Variants in PLEKHG3 observed in about 807,000 individuals in gnomAD.
PLEKHG3 encodes pleckstrin homology domain-containing family G member 3.
Under a neutral mutation model 94.9 loss-of-function variants are expected in PLEKHG3, and 62 were observed. The ratio of observed to expected loss-of-function variants is 0.65; its 90% CI spans 0.53 to 0.81. The LOEUF (loss-of-function observed/expected upper bound fraction) is 0.81. Ranked by LOEUF, PLEKHG3 falls within the 30% of genes least tolerant of loss-of-function variation. The pLI, the probability that PLEKHG3 is intolerant of heterozygous loss-of-function variation, is 0.00. For missense variants in PLEKHG3, 1,461 were observed against 1,619.3 expected (o/e 0.90, Z 1.68); for synonymous variants, 614 against 654.0 (o/e 0.94, Z 0.93).
rs558458962 is a variant in PLEKHG3 at position 64,728,056 on chromosome 14, G to T, written c.351+74G>T. On this transcript the variant is annotated intron_variant, in intron 2 of 16. Transcript: ENST00000247226. This position sits in a 1 kb window ranked among gnomAD's most constrained non-coding sequence, Gnocchi z 5.9. ...CACCCTGGGAGGGAAGCTCTCAAAA[G>T]ACCTGCTTCCCATAAAGTAGTTGGA... The T allele has an allele frequency of 1.8e-5, 17 of 946,122 alleles. No individual in the cohort carries two copies. The East Asian group carries it at 4.6e-4, about 25-fold the overall frequency. 58.6% of individuals were successfully genotyped at this position (946,122 alleles called of 1,614,324 possible).
rs369148076 is a variant in PLEKHG3, at chr14:64,749,282, C to T, written c.*5579C>T. On this transcript the variant is annotated 3_prime_UTR_variant, in exon 17 of 17. Transcript: ENST00000247226. The surrounding 1 kb of genome is among the most constrained non-coding windows in gnomAD (Gnocchi z 4.7). The stretch of plus-strand genomic sequence containing the variant: ...GCCCGGTCTCTGCGCGTCCCGACTC[C>T]GCCGCGCCCGCCAGCCCCACCTGCT... 5.3e-5 allele frequency: 82 copies of T among 1,557,794 alleles called. No individual in the cohort carries two copies. The highest frequency in any genetic ancestry group is 1.4e-4 in the African/African-American group (10 of 73,618).
intron 15 of PLEKHG3, 59 bp from the exon 16 acceptor site, chr14:64,740,977 T>C: frequency 7.1e-7 from 1 of 1,399,972 alleles, no homozygotes; most frequent in Admixed American, 2.2e-5. Context: ...GTCCCCTTGT[T>C]CCCCGGATCC....
At position 64,746,319 on chromosome 14, in the gene PLEKHG3, G is replaced by A. The variant is rs1438632878; in HGVS notation, c.*2616G>A. The A allele has an allele frequency of 6.6e-6, 1 of 152,482 alleles. No individual in the cohort carries two copies. Among genetic ancestry groups the A allele is most frequent in the Non-Finnish European group, 1.5e-5 (1 of 68,064 alleles). The allele number at this position is 152,482 out of a possible 1,614,324, so 9.4% of individuals were successfully genotyped here. The stretch of plus-strand genomic sequence containing the variant: ...TGATTTATTAGAAAAACTAGTAAAT[G>A]GGTTTCCTCTGGTTGGTGGAAGCAC... On this transcript the variant is annotated 3_prime_UTR_variant, in exon 17 of 17. Coordinates refer to ENST00000247226, the MANE Select transcript of PLEKHG3 (RefSeq NM_001308147.2). The surrounding 1 kb of genome is among the most constrained non-coding windows in gnomAD (Gnocchi z 4.9).
rs1555358321 is a variant in PLEKHG3 at position 64,704,442 on chromosome 14, T to TCCCTCGCTCCCTCGCTCCCTCCTG, written c.-297_-296insGCTCCCTCGCTCCCTCCTGCCCTC. The TCCCTCGCTCCCTCGCTCCCTCCTG allele has an allele frequency of 6.5e-6, 1 of 154,372 alleles. No individual in the cohort carries two copies. The highest frequency in any genetic ancestry group is 6.7e-5 in the Admixed American group (1 of 14,884). 9.6% of individuals were successfully genotyped at this position (154,372 alleles called of 1,614,324 possible). On this transcript the variant is annotated 5_prime_UTR_variant, in exon 1 of 17. Coordinates refer to ENST00000247226, the MANE Select transcript of PLEKHG3 (RefSeq NM_001308147.2). This position sits in a 1 kb window ranked among gnomAD's most constrained non-coding sequence, Gnocchi z 5.6. ...CTCCCTCGCTCCCTCGCTCCCTCGC[T>TCCCTCGCTCCCTCGCTCCCTCCTG]CCCTCCTGCCCTCCCGCTGCAGCTC... is the stretch of plus-strand genomic sequence containing the variant.
In PLEKHG3 at chr14:64,716,806, T is replaced by G. The variant is rs1199292975; in HGVS notation, c.-39-10787T>G. ...GCCTCACTTTTCAAGGAGTAGACGC[T>G]GCTTCCTCGGCCGTGTCTCTACACG... On this transcript the variant is annotated intron_variant, in intron 1 of 16. Coordinates refer to ENST00000247226, the MANE Select transcript of PLEKHG3 (RefSeq NM_001308147.2). The surrounding 1 kb of genome is among the most constrained non-coding windows in gnomAD (Gnocchi z 5.0). 6.6e-6 allele frequency among the ~76,000 whole-genome samples: 1 copy of G among 152,114 alleles called. No homozygotes were observed. The highest frequency in any genetic ancestry group is 2.4e-5 in the African/African-American group (1 of 41,410).
chr14:64,734,217 T>G (rs1770368428), intron 12 of PLEKHG3, among the ~76,000 whole-genome samples: 1 of 152,194 alleles, frequency 6.6e-6, no homozygotes. Flanking sequence ...GTTTTATGGT[T>G]TTTATAGTTA....
Position 64,741,127 on chromosome 14 carries a change from C to T in PLEKHG3, c.1610C>T (p.Ser537Phe), listed in dbSNP as rs1398792178. 6.2e-7 allele frequency: 1 copy of T among 1,614,114 alleles called. No individual in the cohort carries two copies. The highest frequency in any genetic ancestry group is 2.2e-5 in the East Asian group (1 of 44,884). The change falls in exon 16 of 17, where the codon TCT (serine) becomes TTT (phenylalanine). Residue 537 changes from serine to phenylalanine, a missense_variant. Physicochemically the swap from Ser to Phe is radical, Grantham distance 155. Coordinates refer to ENST00000247226, the MANE Select transcript of PLEKHG3 (RefSeq NM_001308147.2). ...GAGGAGACGCCTTCAGACACAGAAT[C>T]TCCAGAAGTCCTGGAGACACAGCTT... is the stretch of plus-strand genomic sequence containing the variant. ...SAEETPSDTE[S>F]PEVLETQLDA...
intron 1 of PLEKHG3, among the ~76,000 whole-genome samples, chr14:64,714,653 A>G (rs1033406340): frequency 6.6e-6 from 1 of 152,310 alleles, no homozygotes; most frequent in Admixed American, 6.5e-5. Flanking sequence ...TTCTTTTCAC[A>G]CAGGAAGTCA....
rs1001260036 is a variant in PLEKHG3, at chr14:64,744,843, G to A, written c.*1140G>A. On this transcript the variant is annotated 3_prime_UTR_variant, in exon 17 of 17. Transcript: ENST00000247226. ...GGCTGGAGTGCAATGGCGTGATCTT[G>A]GCTTACTGCAACCTCCGCCTCCCAG... is the stretch of plus-strand genomic sequence containing the variant. 1 of 145,098 alleles carries A rather than the reference G, an allele frequency of 6.9e-6. No individual in the cohort carries two copies. 9.0% of individuals were successfully genotyped at this position (145,098 alleles called of 1,614,324 possible).
chr14:64,711,457 A>G (rs2081065640), intron 1 of PLEKHG3, among the ~76,000 whole-genome samples: 1 of 149,126 alleles, frequency 6.7e-6, no homozygotes, highest in African/African-American at 2.5e-5. Context: ...TCTGTTGCCC[A>G]GGCTGGAGTG....
At chr14:64,711,851 A>G (rs2081070592) in intron 1 of PLEKHG3, among the ~76,000 whole-genome samples, 1 of 152,240 alleles carries the variant, frequency 6.6e-6, no homozygotes, top group Admixed American at 6.5e-5. Flanking sequence ...TTGATGATGA[A>G]GTACAATTTA....
chr14:64,724,020 C>T (rs910919395), intron 1 of PLEKHG3: 1 of 152,174 alleles, frequency 6.6e-6, no homozygotes, highest in African/African-American at 2.4e-5. Context: ...CAGACAGGGT[C>T]TTCCGAGATG....
Position 64,742,425 on chromosome 14 carries a change from G to A in PLEKHG3, c.2908G>A (p.Glu970Lys). 1 of 1,611,198 alleles carries A rather than the reference G, an allele frequency of 6.2e-7. No homozygotes were observed. Among genetic ancestry groups the A allele is most frequent in the Non-Finnish European group, 8.5e-7 (1 of 1,179,020 alleles). ...GAGCCCCACTGTGCCCTGTCTACAG[G>A]AAGAGGCTGGAGAGCCATTAGGTGG... The part of the protein sequence containing the change: ...GKSPTVPCLQ[E>K]EAGEPLGGKG... Residue 970 changes from glutamate (E) to lysine (K), a missense_variant, in exon 16 of 17, where the codon GAA becomes AAA. Glu to Lys is a moderately conservative substitution (Grantham distance 56, BLOSUM62 1). Transcript: ENST00000247226.
At chr14:64,740,975 G>A (rs940619975) in intron 15 of PLEKHG3, 61 bp from the exon 16 acceptor site, 78 of 1,391,520 alleles carry the variant, frequency 5.6e-5, no homozygotes, top group Middle Eastern at 1.9e-4. Flanking sequence ...CTGTCCCCTT[G>A]TTCCCCGGAT....
intron 1 of PLEKHG3, among the ~76,000 whole-genome samples, chr14:64,708,623 C>A (rs1024080549): frequency 1.3e-5 from 2 of 152,154 alleles, no homozygotes; most frequent in African/African-American, 4.8e-5. Flanking sequence ...CCGCTTCTAC[C>A]CAGCTGATCT....
Position 64,730,429 on chromosome 14 carries a change from G to A in PLEKHG3, c.519+117G>A. 2 of 788,182 alleles carry A rather than the reference G, an allele frequency of 2.5e-6. No homozygotes were observed. The highest frequency in any genetic ancestry group is 2.1e-5 in the Admixed American group (1 of 48,308). 48.8% of individuals were successfully genotyped at this position (788,182 alleles called of 1,614,324 possible). A position where few individuals can be genotyped will look rare whatever the true frequency, so the allele number is the denominator to read the frequency against. The stretch of plus-strand genomic sequence containing the variant: ...GGATTCCTTTCCAGGGAAAGTCCTG[G>A]GTGCTCTATCTTGAATGAGAAGGGT... On this transcript the variant is annotated intron_variant, in intron 4 of 16. Coordinates refer to ENST00000247226, the MANE Select transcript of PLEKHG3 (RefSeq NM_001308147.2). This position sits in a 1 kb window ranked among gnomAD's most constrained non-coding sequence, Gnocchi z 5.4.
intron 1 of PLEKHG3, among the ~76,000 whole-genome samples, chr14:64,706,425 G>A (rs2080971591): frequency 1.3e-5 from 2 of 152,194 alleles, no homozygotes; most frequent in Non-Finnish European, 2.9e-5. Flanking sequence ...TATCTTTTCT[G>A]ACTCAGTTTC....
In PLEKHG3 at chr14:64,741,025, CTA is replaced by C. The variant is rs761777116; in HGVS notation, c.1519-9_1519-8del. The C allele has an allele frequency of 1.0e-5, 16 of 1,554,178 alleles. No individual in the cohort carries two copies. The highest frequency in any genetic ancestry group is 1.3e-5 in the Non-Finnish European group (15 of 1,149,458). ...TTTTTACTCATGTGAGCCTTTTCTG[CTA>C]TGTTTCAGGTTGAGCCGGACCCTGA... On this transcript the variant is annotated splice_polypyrimidine_tract_variant and intron_variant, in intron 15 of 16. Transcript: ENST00000247226.
rs2081492977 is a variant in PLEKHG3 at position 64,732,750 on chromosome 14, A to T, written c.1247-53A>T. The T allele has an allele frequency of 7.3e-7, 1 of 1,367,534 alleles. No homozygotes were observed. Among genetic ancestry groups the T allele is most frequent in the East Asian group, 2.4e-5 (1 of 41,298 alleles). The allele number at this position is 1,367,534 out of a possible 1,614,324, so 84.7% of individuals were successfully genotyped here. Reference sequence around the variant, plus strand: ...GCTGGTTATGGACAGGGTCTAGGGTAGGCCAAGGCCAATTGGGAATCAAAA... The same window carrying T: ...GCTGGTTATGGACAGGGTCTAGGGTTGGCCAAGGCCAATTGGGAATCAAAA... On this transcript the variant is annotated intron_variant, in intron 11 of 16. Coordinates refer to ENST00000247226, the MANE Select transcript of PLEKHG3 (RefSeq NM_001308147.2). The surrounding 1 kb of genome is among the most constrained non-coding windows in gnomAD (Gnocchi z 4.9).
Sources: gnomAD v4.1 joint callset for allele counts (sites outside exome capture counted in the v4.1 genomes callset) on GRCh38, gnomAD v4.1.1 for gene constraint, Gnocchi (gnomAD v3.1) non-coding constraint, MANE v1.5 for transcripts, NCBI Gene and HGNC (gene_info 2026-07-23, HGNC 2026-07-21) for gene names.